Variants in PCBP3 observed in about 807,000 individuals in gnomAD.
The protein encoded by PCBP3 is poly(rC) binding protein 3, also known as poly(rC)-binding protein 3.
In PCBP3, 25 loss-of-function variants were observed where a neutral mutation model predicts 52.7. That is an observed-to-expected ratio of 0.47 (90% CI 0.35 to 0.66). The LOEUF (loss-of-function observed/expected upper bound fraction) is 0.66, where lower values mean the gene tolerates loss of function less well. PCBP3 is among the 30% of genes least tolerant of loss of function. PCBP3 has a pLI of 0.01. For synonymous variants in PCBP3, 162 were observed against 183.0 expected, an observed-to-expected ratio of 0.89 and a Z score of 0.93; for missense variants, 391 against 490.3, an observed-to-expected ratio of 0.80 and a Z score of 1.91.
chr21:45,683,768 T>C (rs1490131729), intron 2 of PCBP3, among the ~76,000 whole-genome samples: 1 of 151,332 alleles, frequency 6.6e-6, no homozygotes, highest in Non-Finnish European at 1.5e-5. Context: ...CTACTAAAAA[T>C]ACAAAAAATG....
Position 45,928,644 on chromosome 21 carries a change from G to C in PCBP3, c.718-1273G>C, listed in dbSNP as rs1194498971. 6.6e-6 allele frequency among the ~76,000 whole-genome samples: 1 copy of C among 152,078 alleles called. No homozygotes were observed. Among genetic ancestry groups the C allele is most frequent in the Non-Finnish European group, 1.5e-5 (1 of 68,006 alleles). ...GGTCTGGTCAGGTGCTCAGCAGCCG[G>C]CCTTCTCACGTGCAGATGGCAGCTC... On this transcript the variant is annotated intron_variant, in intron 13 of 17. Transcript: ENST00000681687. The surrounding 1 kb of genome is among the most constrained non-coding windows in gnomAD (Gnocchi z 4.1).
chr21:45,852,229 C>A, intron 5 of PCBP3, among the ~76,000 whole-genome samples: 1 of 152,286 alleles, frequency 6.6e-6, no homozygotes. Context: ...AACTATTATG[C>A]GTCAATTATA....
intron 4 of PCBP3, among the ~76,000 whole-genome samples, chr21:45,795,016 C>T (rs986007904): frequency 6.6e-5 from 10 of 151,572 alleles, no homozygotes; most frequent in South Asian, 4.2e-4. Flanking sequence ...AGACCAGCAA[C>T]GACATTTTCG....
intron 2 of PCBP3, among the ~76,000 whole-genome samples, chr21:45,684,892 A>G (rs1184274658): frequency 1.3e-5 from 2 of 152,252 alleles, no homozygotes; most frequent in African/African-American, 4.8e-5. Context: ...CTTAGTGTTT[A>G]TAGTGATTTA....
chr21:45,673,288 T>C (rs2081281392), intron 2 of PCBP3, among the ~76,000 whole-genome samples: 1 of 152,222 alleles, frequency 6.6e-6, no homozygotes, highest in Non-Finnish European at 1.5e-5. Context: ...AAGCTGTACA[T>C]TTGTGGCAGT....
intron 4 of PCBP3, chr21:45,763,590 A>C (rs919798913): frequency 2.8e-4 from 42 of 152,392 alleles, no homozygotes; most frequent in African/African-American, 1.0e-3. Context: ...AGAATAGCAG[A>C]GGGCACCCCC....
intron 3 of PCBP3, among the ~76,000 whole-genome samples, chr21:45,754,087 G>A (rs997635593): frequency 6.6e-6 from 1 of 151,872 alleles, no homozygotes; most frequent in Non-Finnish European, 1.5e-5. Context: ...TAGGTAAAAT[G>A]TATTTTACTT....
At chr21:45,930,747 A>C in intron 14 of PCBP3, 39 bp from the exon 15 acceptor site, 1 of 953,806 alleles carries the variant, frequency 1.0e-6, no homozygotes, top group Non-Finnish European at 1.7e-6. Flanking sequence ...TATCTCCTTG[A>C]GGGCAAAACA....
intron 5 of PCBP3, among the ~76,000 whole-genome samples, chr21:45,878,980 T>TTTTG (rs1171142192): frequency 5.9e-5 from 9 of 152,012 alleles, no homozygotes; most frequent in East Asian, 1.9e-4. Context: ...AAAGCGAAGG[T>TTTTG]TTTGTTTGTT....
At chr21:45,818,245 T>C (rs1332457537) in intron 4 of PCBP3, among the ~76,000 whole-genome samples, 1 of 152,084 alleles carries the variant, frequency 6.6e-6, no homozygotes, top group Non-Finnish European at 1.5e-5. Flanking sequence ...ATGGTCTCGA[T>C]CTCCTGACCT....
rs183379667 is a variant in PCBP3 at position 45,862,445 on chromosome 21, A to G, written c.10+12350A>G. ...TGGTTACTATTTTTGCTAAAAAGATATAAAAACACAGGCCTACTAGACCAA... is the reference window on the plus strand; with the variant it reads ...TGGTTACTATTTTTGCTAAAAAGATGTAAAAACACAGGCCTACTAGACCAA... On this transcript the variant is annotated intron_variant, in intron 5 of 17. Transcript: ENST00000681687. Among the ~76,000 whole-genome samples the G allele has an allele frequency of 6.6e-5, 10 of 152,330 alleles. No individual in the cohort carries two copies. In the East Asian group the frequency reaches 1.9e-3, roughly 29 times the overall value.
chr21:45,812,095 T>TG, intron 4 of PCBP3, among the ~76,000 whole-genome samples: 1 of 152,342 alleles, frequency 6.6e-6, no homozygotes, highest in Non-Finnish European at 1.5e-5. Flanking sequence ...ACATTTACTA[T>TG]GAGGACCTTA....
At chr21:45,840,592 A>G (rs1237282531) in intron 4 of PCBP3, among the ~76,000 whole-genome samples, 1 of 152,146 alleles carries the variant, frequency 6.6e-6, no homozygotes, top group Admixed American at 6.5e-5. Flanking sequence ...CCAAGCCTTC[A>G]TATTTACTCA....
In PCBP3 at chr21:45,656,565, A is replaced by ATCTGT. The variant is rs1469410428; in HGVS notation, c.-278-12309_-278-12308insTCTGT. On this transcript the variant is annotated intron_variant, in intron 1 of 17. Transcript: ENST00000681687. This position sits in a 1 kb window ranked among gnomAD's most constrained non-coding sequence, Gnocchi z 4.3. ...TAGATGACGGGTTGATGGGTGCAGCAAACCACCGTGGCATGTGTATACCTG... is the reference window on the plus strand; with the variant it reads ...TAGATGACGGGTTGATGGGTGCAGCATCTGTAACCACCGTGGCATGTGTATACCTG... Among the ~76,000 whole-genome samples the ATCTGT allele has an allele frequency of 2.0e-5, 3 of 152,130 alleles. No individual in the cohort carries two copies. The highest frequency in any genetic ancestry group is 7.2e-5 in the African/African-American group (3 of 41,416).
Position 45,917,491 on chromosome 21 carries a change from TC to T in PCBP3, c.676-96del. 2.2e-6 allele frequency: 2 copies of T among 920,288 alleles called. No individual in the cohort carries two copies. Among genetic ancestry groups the T allele is most frequent in the Non-Finnish European group, 3.5e-6 (2 of 567,060 alleles). The allele number at this position is 920,288 out of a possible 1,614,324, so 57.0% of individuals were successfully genotyped here. A position where few individuals can be genotyped will look rare whatever the true frequency, so the allele number is the denominator to read the frequency against. On this transcript the variant is annotated intron_variant, in intron 12 of 17. Coordinates refer to ENST00000681687, the MANE Select transcript of PCBP3 (RefSeq NM_001384156.1). This position sits in a 1 kb window ranked among gnomAD's most constrained non-coding sequence, Gnocchi z 5.3. ...TGGAGAGGCACACGAGGGGGAAGCT[TC>T]TACCGGAGGGTCCTTGTCATGCTGG...
At chr21:45,680,908 A>T (rs1213215250) in intron 2 of PCBP3, among the ~76,000 whole-genome samples, 1 of 152,230 alleles carries the variant, frequency 6.6e-6, no homozygotes, top group South Asian at 2.1e-4. Context: ...TTAGTAATTT[A>T]TAAACAATAG....
chr21:45,793,049 G>T (rs2091711267), intron 4 of PCBP3, among the ~76,000 whole-genome samples: 2 of 152,202 alleles, frequency 1.3e-5, no homozygotes, highest in African/African-American at 4.8e-5. Flanking sequence ...CCTCTCTAAA[G>T]CAAAACTGCC....
intron 4 of PCBP3, among the ~76,000 whole-genome samples, chr21:45,764,983 C>T (rs1005527751): frequency 1.3e-5 from 2 of 152,224 alleles, no homozygotes; most frequent in Admixed American, 6.5e-5. Context: ...CCGGGTGGGC[C>T]ATGGGGCCTG....
intron 5 of PCBP3, chr21:45,858,635 C>T (rs944199037): frequency 7.2e-5 from 11 of 152,194 alleles, no homozygotes; most frequent in Admixed American, 2.6e-4. Context: ...CTGAACTCCT[C>T]GTCATAGTGG....
Sources: gnomAD v4.1 joint callset for allele counts (sites outside exome capture counted in the v4.1 genomes callset) on GRCh38, gnomAD v4.1.1 for gene constraint, Gnocchi (gnomAD v3.1) non-coding constraint, MANE v1.5 for transcripts, NCBI Gene and HGNC (gene_info 2026-07-23, HGNC 2026-07-21) for gene names.